ZDHHC14: variants seen among roughly 807,000 people sequenced by gnomAD.
ZDHHC14 encodes palmitoyltransferase ZDHHC14.
A neutral mutation model predicts 47.7 loss-of-function variants in ZDHHC14; 16 were observed. That is an observed-to-expected ratio of 0.34 (90% CI 0.23 to 0.51). The LOEUF is 0.51. Among genes scored for constraint, ZDHHC14 ranks in the 20% least tolerant of loss-of-function variants. The pLI is 0.97. For synonymous variants in ZDHHC14, 293 were observed against 278.9 expected (o/e 1.05, Z -0.50); for missense variants, 515 against 662.5 (o/e 0.78, Z 2.44).
chr6:157,416,143 CAT>C (rs1402071253), intron 1 of ZDHHC14, among the ~76,000 whole-genome samples: 10 of 152,154 alleles, frequency 6.6e-5, no homozygotes, highest in Admixed American at 6.5e-5. Context: ...TTGGAGAGCA[CAT>C]GTGTGCATTT....
chr6:157,522,986 CT>C (rs869221014), intron 1 of ZDHHC14, among the ~76,000 whole-genome samples: 260 of 25,958 alleles, frequency 0.01, no homozygotes, highest in African/African-American at 0.057. Context: ...TTTTCTTTTT[CT>C]TTTCTTTTCT....
At chr6:157,565,108 G>T (rs1462120105) in intron 2 of ZDHHC14, among the ~76,000 whole-genome samples, 1 of 152,054 alleles carries the variant, frequency 6.6e-6, no homozygotes, top group Non-Finnish European at 1.5e-5. Flanking sequence ...TTAGCCAGGT[G>T]TGGTGGCATG....
chr6:157,671,698 G>A (rs934617465), intron 8 of ZDHHC14, among the ~76,000 whole-genome samples: 3 of 152,206 alleles, frequency 2.0e-5, no homozygotes, highest in African/African-American at 7.2e-5. Context: ...TGTGACTTAA[G>A]AACGCGTGGA....
chr6:157,626,164 C>T (rs1486906738), intron 3 of ZDHHC14, among the ~76,000 whole-genome samples: 1 of 152,052 alleles, frequency 6.6e-6, no homozygotes, highest in Non-Finnish European at 1.5e-5. Flanking sequence ...CCTCCCAGAC[C>T]CTACATTCTT....
intron 1 of ZDHHC14, among the ~76,000 whole-genome samples, chr6:157,453,387 A>G (rs371603652): frequency 2.6e-5 from 4 of 152,208 alleles, no homozygotes; most frequent in Non-Finnish European, 4.4e-5. Flanking sequence ...AATTCCCATG[A>G]ACTGTTAACT....
intron 7 of ZDHHC14, 124 bp downstream of exon 7, chr6:157,647,492 G>C: frequency 1.6e-6 from 1 of 627,862 alleles, no homozygotes; most frequent in Non-Finnish European, 2.8e-6. Flanking sequence ...TTTGTGCCGC[G>C]TGGATGTGGC....
At chr6:157,608,946 A>T (rs1396683766) in intron 3 of ZDHHC14, among the ~76,000 whole-genome samples, 1 of 152,216 alleles carries the variant, frequency 6.6e-6, no homozygotes, top group Non-Finnish European at 1.5e-5. Context: ...CAAAGAACTG[A>T]CAGGACTTGA....
chr6:157,579,586 C>T (rs888407294), intron 2 of ZDHHC14, among the ~76,000 whole-genome samples: 9 of 152,058 alleles, frequency 5.9e-5, no homozygotes, highest in African/African-American at 9.7e-5. Flanking sequence ...TAACTCTTAT[C>T]GTAGAAATCT....
chr6:157,650,981 G>T (rs1479788301), intron 7 of ZDHHC14, among the ~76,000 whole-genome samples: 1 of 152,146 alleles, frequency 6.6e-6, no homozygotes, highest in Non-Finnish European at 1.5e-5. Context: ...CCCCATTGCA[G>T]TTCCCTGATG....
At chr6:157,514,357 A>G (rs1256048926) in intron 1 of ZDHHC14, among the ~76,000 whole-genome samples, 1 of 152,200 alleles carries the variant, frequency 6.6e-6, no homozygotes, top group Non-Finnish European at 1.5e-5. Flanking sequence ...TTCTATGCCC[A>G]TGGTCACTTT....
At chr6:157,520,760 G>A (rs192652036) in intron 1 of ZDHHC14, among the ~76,000 whole-genome samples, 1 of 152,166 alleles carries the variant, frequency 6.6e-6, no homozygotes, top group African/African-American at 2.4e-5. Flanking sequence ...TGTGTTCTGA[G>A]ACATGAAACA....
At chr6:157,543,285 T>TA (rs1000900089) in intron 2 of ZDHHC14, among the ~76,000 whole-genome samples, 66 of 152,246 alleles carry the variant, frequency 4.3e-4, no homozygotes, top group African/African-American at 1.4e-3. Context: ...TACTAAAGTT[T>TA]ATTACAACCC....
intron 1 of ZDHHC14, among the ~76,000 whole-genome samples, chr6:157,467,399 G>A (rs939848562): frequency 2.0e-5 from 3 of 152,036 alleles, no homozygotes; most frequent in Non-Finnish European, 2.9e-5. Context: ...TATTCTGGAC[G>A]TTTCAGATAA....
At chr6:157,430,930 C>A (rs1778326791) in intron 1 of ZDHHC14, among the ~76,000 whole-genome samples, 1 of 152,182 alleles carries the variant, frequency 6.6e-6, no homozygotes, top group Admixed American at 6.5e-5. Flanking sequence ...GGGCCTGACA[C>A]CTGTTTTGAC....
intron 2 of ZDHHC14, among the ~76,000 whole-genome samples, chr6:157,575,951 C>A (rs763916432): frequency 1.3e-5 from 2 of 152,214 alleles, no homozygotes; most frequent in South Asian, 2.1e-4. Context: ...CGGCTGCCTG[C>A]GGCCCGCCCT....
chr6:157,650,213 A>T lies in ZDHHC14; in HGVS notation c.965+2845A>T, dbSNP rs111932405. ...GCCCAAGAGTAGGTCTAAGCTGTGA[A>T]CTCTCCCAAGGGTGAGAAGGAGTTC... is the stretch of plus-strand genomic sequence containing the variant. On this transcript the variant is annotated intron_variant, in intron 7 of 8. Coordinates refer to ENST00000359775, the MANE Select transcript of ZDHHC14 (RefSeq NM_024630.3). 3.8e-3 allele frequency among the ~76,000 whole-genome samples: 579 copies of T among 151,766 alleles called. 4 individuals carry two copies. Among genetic ancestry groups the T allele is most frequent in the African/African-American group, 0.012 (483 of 41,164 alleles).
chr6:157,482,696 T>C (rs1211242417), intron 1 of ZDHHC14, among the ~76,000 whole-genome samples: 2 of 152,110 alleles, frequency 1.3e-5, no homozygotes, highest in Non-Finnish European at 2.9e-5. Flanking sequence ...TTCGCTGTCT[T>C]CTCGAGTCTG....
chr6:157,539,657 G>A (rs563636329), intron 1 of ZDHHC14, among the ~76,000 whole-genome samples: 2 of 152,220 alleles, frequency 1.3e-5, no homozygotes, highest in East Asian at 1.9e-4. Context: ...AGGTAGAGCC[G>A]GTTTAACCAT....
At chr6:157,645,601 C>T (rs1777490652) in intron 5 of ZDHHC14, 136 bp from the exon 6 acceptor site, 1 of 646,616 alleles carries the variant, frequency 1.5e-6, no homozygotes, top group East Asian at 2.9e-5. Context: ...GAGCAGGAAG[C>T]AAGGCAAGGC....
Sources: allele counts gnomAD v4.1 joint callset (sites outside exome capture counted in the v4.1 genomes callset), GRCh38; gene constraint gnomAD v4.1.1; transcripts MANE v1.5; gene names NCBI Gene and HGNC (gene_info 2026-07-23, HGNC 2026-07-21).